Variants in PIGU observed in about 807,000 individuals in gnomAD.
PIGU encodes the protein phosphatidylinositol glycan anchor biosynthesis class U, also known as GPI-anchor transamidase component PIGU.
Under a neutral mutation model 49.9 loss-of-function variants are expected in PIGU, and 24 were observed. The ratio of observed to expected loss-of-function variants is 0.48; its 90% CI spans 0.35 to 0.68. PIGU has a LOEUF of 0.68. PIGU is among the 30% of genes least tolerant of loss of function. The probability of loss-of-function intolerance (pLI) is 0.01; values close to 1 mark genes in which losing one functional copy is unlikely to be tolerated. For synonymous variants in PIGU, 220 were observed against 205.7 expected (o/e 1.07, Z -0.59); for missense variants, 490 against 532.6 (o/e 0.92, Z 0.79).
At chr20:34,619,285 T>C (rs1200924776) in intron 6 of PIGU, among the ~76,000 whole-genome samples, 2 of 152,116 alleles carry the variant, frequency 1.3e-5, no homozygotes, top group Non-Finnish European at 2.9e-5. Context: ...AGCACACATC[T>C]GCTGAGCCAC....
chr20:34,565,752 CA>C lies in PIGU; in HGVS notation c.1195-4774del, dbSNP rs1982725322. On this transcript the variant is annotated intron_variant, in intron 11 of 11. Transcript: ENST00000217446. Reference sequence around the variant, plus strand: ...ACACACACAGGTGCACACACACGCACACTCACACTGCTCACACATGCACACA... The same window carrying C: ...ACACACACAGGTGCACACACACGCACCTCACACTGCTCACACATGCACACA... 2.0e-5 allele frequency among the ~76,000 whole-genome samples: 3 copies of C among 151,994 alleles called. No individual in the cohort carries two copies. In the South Asian group the frequency reaches 6.2e-4, roughly 32 times the overall value.
intron 10 of PIGU, among the ~76,000 whole-genome samples, chr20:34,578,818 C>T (rs1340552832): frequency 6.6e-6 from 1 of 152,182 alleles, no homozygotes; most frequent in African/African-American, 2.4e-5. Context: ...TTGTTCCAGG[C>T]ATCAGAAAGC....
chr20:34,660,162 A>C (rs1402124595), intron 1 of PIGU, among the ~76,000 whole-genome samples: 1 of 152,150 alleles, frequency 6.6e-6, no homozygotes, highest in Non-Finnish European at 1.5e-5. Context: ...CAAATGTAGA[A>C]GGAACAAAGA....
At chr20:34,621,983 G>A (rs1207229414) in intron 6 of PIGU, among the ~76,000 whole-genome samples, 1 of 152,124 alleles carries the variant, frequency 6.6e-6, no homozygotes, top group African/African-American at 2.4e-5. Context: ...GCACAGGTTG[G>A]AGGGCAAGAG....
chr20:34,653,466 T>C (rs962550212), intron 2 of PIGU, among the ~76,000 whole-genome samples: 5 of 152,248 alleles, frequency 3.3e-5, no homozygotes, highest in Non-Finnish European at 5.9e-5. Flanking sequence ...TTTATCATTA[T>C]GAAATGTATT....
At chr20:34,627,368 A>G (rs1985528702) in intron 6 of PIGU, among the ~76,000 whole-genome samples, 2 of 152,212 alleles carry the variant, frequency 1.3e-5, no homozygotes, top group Admixed American at 6.5e-5. Flanking sequence ...GAAATAAGTG[A>G]TAAAAGTAAA....
chr20:34,569,291 G>A (rs1380801616), intron 11 of PIGU, among the ~76,000 whole-genome samples: 2 of 152,148 alleles, frequency 1.3e-5, no homozygotes, highest in Admixed American at 6.5e-5. Context: ...GTGTAGTGGC[G>A]TGATCTCGGC....
intron 11 of PIGU, among the ~76,000 whole-genome samples, chr20:34,573,850 T>G (rs1007092900): frequency 6.6e-6 from 1 of 152,224 alleles, no homozygotes; most frequent in Admixed American, 6.5e-5. Context: ...AGGCCCTCTA[T>G]CTCTCTTTCT....
chr20:34,632,372 C>CTT (rs200696090), intron 6 of PIGU, among the ~76,000 whole-genome samples: 1 of 143,964 alleles, frequency 6.9e-6, no homozygotes, highest in Non-Finnish European at 1.5e-5. Flanking sequence ...CTCATATACC[C>CTT]TTTTTTTTTT....
chr20:34,674,789 TAAC>T (rs973269383), intron 1 of PIGU, among the ~76,000 whole-genome samples: 3 of 151,270 alleles, frequency 2.0e-5, no homozygotes, highest in African/African-American at 7.3e-5. Context: ...ATAATAATAA[TAAC>T]AAGTAGGGTT....
chr20:34,654,103 C>T lies in PIGU; in HGVS notation c.195+3077G>A, dbSNP rs546663893. ...CGAACTCCCGACCTTGTGATCCGCC[C>T]GCCTAGGCTTCCCAAAGTGCTGGGA... On this transcript the variant is annotated intron_variant, in intron 2 of 11. Coordinates refer to ENST00000217446, the MANE Select transcript of PIGU (RefSeq NM_080476.5). Among the ~76,000 whole-genome samples the T allele has an allele frequency of 1.2e-4, 13 of 107,218 alleles. 4 individuals are homozygous for T. The highest frequency in any genetic ancestry group is 2.3e-4 in the Admixed American group (2 of 8,620). 70.3% of individuals were successfully genotyped at this position (107,218 alleles called of 152,430 possible).
chr20:34,610,804 G>C (rs373871846), intron 7 of PIGU, among the ~76,000 whole-genome samples: 1 of 152,026 alleles, frequency 6.6e-6, no homozygotes, highest in African/African-American at 2.4e-5. Flanking sequence ...GACTTCAAAC[G>C]ATACTGCAAG....
chr20:34,594,783 T>C (rs1467789568), intron 7 of PIGU, among the ~76,000 whole-genome samples: 4 of 150,718 alleles, frequency 2.7e-5, no homozygotes, highest in Admixed American at 1.3e-4. Context: ...GCTAAATAAA[T>C]AAAGGCATAC....
At chr20:34,566,078 T>TCACA (rs767994146) in intron 11 of PIGU, among the ~76,000 whole-genome samples, 1 of 150,332 alleles carries the variant, frequency 6.7e-6, no homozygotes, top group Non-Finnish European at 1.5e-5. Context: ...CGCACTGCAC[T>TCACA]CACACACACA....
chr20:34,620,820 CA>C (rs1178693587), intron 6 of PIGU, among the ~76,000 whole-genome samples: 4 of 96,676 alleles, frequency 4.1e-5, no homozygotes, highest in African/African-American at 1.0e-4. Context: ...AAAAAAAAAA[CA>C]AAAAAAAAAA....
intron 11 of PIGU, among the ~76,000 whole-genome samples, chr20:34,571,860 G>A (rs889937748): frequency 3.9e-5 from 6 of 152,200 alleles, no homozygotes; most frequent in East Asian, 1.9e-4. Flanking sequence ...CTCAGTCAGC[G>A]CTCTGGGACA....
intron 7 of PIGU, among the ~76,000 whole-genome samples, chr20:34,589,150 T>C (rs868327942): frequency 7.8e-5 from 11 of 140,716 alleles, no homozygotes; most frequent in African/African-American, 2.8e-4. Context: ...CACACACACA[T>C]CTGTAAGTTT....
intron 7 of PIGU, among the ~76,000 whole-genome samples, chr20:34,608,059 A>G (rs1391662647): frequency 6.8e-6 from 1 of 147,596 alleles, no homozygotes; most frequent in Non-Finnish European, 1.5e-5. Flanking sequence ...GAGCATCACT[A>G]TGGAGACATG....
intron 6 of PIGU, among the ~76,000 whole-genome samples, chr20:34,633,468 C>T (rs1007395789): frequency 6.6e-6 from 1 of 150,968 alleles, no homozygotes; most frequent in African/African-American, 2.4e-5. Flanking sequence ...GTCTCAAAAA[C>T]AAAACAAGAA....
Sources: allele counts gnomAD v4.1 joint callset (sites outside exome capture counted in the v4.1 genomes callset), GRCh38; gene constraint gnomAD v4.1.1; transcripts MANE v1.5; gene names NCBI Gene and HGNC (gene_info 2026-07-23, HGNC 2026-07-21).